PDGFD: variants seen among roughly 807,000 people sequenced by gnomAD.
The protein encoded by PDGFD is platelet-derived growth factor D.
PDGFD carries 30 observed loss-of-function variants against 44.7 expected under a neutral mutation model. That is an observed-to-expected ratio of 0.67 (90% CI 0.50 to 0.91). The LOEUF is 0.91. Ranked by LOEUF, PDGFD falls within the 40% of genes least tolerant of loss-of-function variation. The pLI is 0.00. For synonymous variants in PDGFD, 173 were observed against 168.4 expected, an observed-to-expected ratio of 1.03 and a Z score of -0.21; for missense variants, 445 against 457.8, an observed-to-expected ratio of 0.97 and a Z score of 0.25.
chr11:103,999,344 C>G (rs1034507517), intron 2 of PDGFD, among the ~76,000 whole-genome samples: 2 of 152,098 alleles, frequency 1.3e-5, no homozygotes, highest in Admixed American at 1.3e-4. Flanking sequence ...AAGTCTTATA[C>G]ATGCTAATTA....
At chr11:104,153,050 C>T (rs1318518212) in intron 1 of PDGFD, among the ~76,000 whole-genome samples, 1 of 152,138 alleles carries the variant, frequency 6.6e-6, no homozygotes, top group Non-Finnish European at 1.5e-5. Context: ...CAATGTTGCA[C>T]AAGCTCCTAA....
chr11:104,128,230 T>C (rs1171724461), intron 1 of PDGFD, among the ~76,000 whole-genome samples: 2 of 151,422 alleles, frequency 1.3e-5, no homozygotes, highest in African/African-American at 4.9e-5. Flanking sequence ...AAATGTGGAA[T>C]AGGTGAGTCA....
At chr11:104,055,208 A>T (rs1591141559) in intron 1 of PDGFD, among the ~76,000 whole-genome samples, 1 of 152,238 alleles carries the variant, frequency 6.6e-6, no homozygotes, top group East Asian at 1.9e-4. Context: ...GCAAACAGTC[A>T]GCAAGTATTT....
At chr11:104,048,882 T>C (rs1860483358) in intron 1 of PDGFD, among the ~76,000 whole-genome samples, 1 of 152,222 alleles carries the variant, frequency 6.6e-6, no homozygotes, top group Admixed American at 6.5e-5. Flanking sequence ...AATAATATAA[T>C]GTGCTATCAC....
chr11:104,091,808 T>C (rs1178286770), intron 1 of PDGFD, among the ~76,000 whole-genome samples: 2 of 152,198 alleles, frequency 1.3e-5, no homozygotes, highest in Non-Finnish European at 2.9e-5. Context: ...AAAAATGATC[T>C]AATGTTCAGG....
chr11:104,008,381 T>C (rs1448635045), intron 1 of PDGFD, among the ~76,000 whole-genome samples: 1 of 152,160 alleles, frequency 6.6e-6, no homozygotes, highest in Admixed American at 6.5e-5. Flanking sequence ...CATTTTATTA[T>C]ATTAGCATTA....
At chr11:104,160,313 C>T (rs761946955) in intron 1 of PDGFD, among the ~76,000 whole-genome samples, 5 of 152,184 alleles carry the variant, frequency 3.3e-5, no homozygotes, top group Admixed American at 1.3e-4. Flanking sequence ...ACTTTCTACA[C>T]GCAACAAAAG....
intron 1 of PDGFD, among the ~76,000 whole-genome samples, chr11:104,132,134 G>A (rs962059488): frequency 6.6e-6 from 1 of 151,926 alleles, no homozygotes; most frequent in African/African-American, 2.4e-5. Flanking sequence ...TTATTTAATT[G>A]TATGAAATTC....
intron 6 of PDGFD, among the ~76,000 whole-genome samples, chr11:103,917,567 C>T (rs1367808115): frequency 6.6e-6 from 1 of 151,914 alleles, no homozygotes; most frequent in Non-Finnish European, 1.5e-5. Context: ...TAGCATTTTA[C>T]AGTTTTTGAA....
chr11:104,096,334 T>TG (rs1294784716), intron 1 of PDGFD, among the ~76,000 whole-genome samples: 4 of 152,004 alleles, frequency 2.6e-5, no homozygotes, highest in African/African-American at 9.7e-5. Flanking sequence ...TCAGGAATGC[T>TG]GGAAAAAAAA....
rs753910078 is a variant in PDGFD, at chr11:104,037,828, C to G, written c.125-37573G>C. The stretch of plus-strand genomic sequence containing the variant: ...TATGCTTCTAGGCCTAGATATGCTC[C>G]GGAGACATCAATGTTCCATCGATTT... On this transcript the variant is annotated intron_variant, in intron 1 of 6. Coordinates refer to ENST00000393158, the MANE Select transcript of PDGFD (RefSeq NM_025208.5). The G allele has an allele frequency of 3.1e-6, 5 of 1,613,998 alleles. No homozygotes were observed. The East Asian group carries it at 6.7e-5, about 22-fold the overall frequency.
At chr11:103,913,757 C>T (rs1489190259) in intron 6 of PDGFD, among the ~76,000 whole-genome samples, 1 of 151,748 alleles carries the variant, frequency 6.6e-6, no homozygotes, top group Non-Finnish European at 1.5e-5. Context: ...ACTAGACAGA[C>T]TAATAAAGAA....
chr11:103,989,652 G>A (rs1414380158), intron 3 of PDGFD, among the ~76,000 whole-genome samples: 1 of 152,196 alleles, frequency 6.6e-6, no homozygotes, highest in Admixed American at 6.6e-5. Context: ...GGTAATGGGT[G>A]AGGGGAATAA....
chr11:104,058,283 G>A (rs1342001178), intron 1 of PDGFD, among the ~76,000 whole-genome samples: 1 of 152,114 alleles, frequency 6.6e-6, no homozygotes, highest in African/African-American at 2.4e-5. Context: ...TTTAAAACAC[G>A]TTATACATTC....
chr11:104,141,331 T>G (rs1449364168), intron 1 of PDGFD, among the ~76,000 whole-genome samples: 2 of 152,210 alleles, frequency 1.3e-5, no homozygotes, highest in African/African-American at 4.8e-5. Flanking sequence ...AAGATGAGAT[T>G]TAATTTTTTT....
chr11:104,131,801 T>TAAAA (rs55959221), intron 1 of PDGFD, among the ~76,000 whole-genome samples: 6 of 70,974 alleles, frequency 8.5e-5, no homozygotes, highest in African/African-American at 3.4e-4. Flanking sequence ...CAATGAACTG[T>TAAAA]AAAAAAAAAA....
Position 103,922,516 on chromosome 11 carries a change from G to T in PDGFD, c.987+4396C>A, listed in dbSNP as rs529163268. ...AAGTCATAAGACCCTCATGCGAGAG[G>T]TGCCCCTGTTATACCCAGAAGAAAG... On this transcript the variant is annotated intron_variant, in intron 6 of 6. Coordinates refer to ENST00000393158, the MANE Select transcript of PDGFD (RefSeq NM_025208.5). Among the ~76,000 whole-genome samples, 10 of 151,434 alleles carry T rather than the reference G, an allele frequency of 6.6e-5. No individual in the cohort carries two copies. In the South Asian group the frequency reaches 1.7e-3, roughly 26 times the overall value.
chr11:103,926,052 C>T (rs1244856674), intron 6 of PDGFD, among the ~76,000 whole-genome samples: 1 of 151,860 alleles, frequency 6.6e-6, no homozygotes, highest in East Asian at 1.9e-4. Flanking sequence ...CAATAAAGTG[C>T]TATATATTAC....
At chr11:103,981,501 C>T (rs1013226063) in intron 3 of PDGFD, among the ~76,000 whole-genome samples, 4 of 151,386 alleles carry the variant, frequency 2.6e-5, no homozygotes, top group Non-Finnish European at 1.5e-5. Context: ...GTGTACCAAA[C>T]CCGTATATTT....
Sources: gnomAD v4.1 joint callset for allele counts (sites outside exome capture counted in the v4.1 genomes callset) on GRCh38, gnomAD v4.1.1 for gene constraint, MANE v1.5 for transcripts, NCBI Gene and HGNC (gene_info 2026-07-23, HGNC 2026-07-21) for gene names.